Variants in CCSER1 observed in about 807,000 individuals in gnomAD.
CCSER1 encodes coiled-coil serine rich protein 1.
CCSER1 carries 41 observed loss-of-function variants against 82.0 expected under a neutral mutation model. The observed-to-expected ratio is 0.50, with a 90% CI of 0.39 to 0.65. The LOEUF (loss-of-function observed/expected upper bound fraction) is 0.65. Among genes scored for constraint, CCSER1 ranks in the 30% least tolerant of loss-of-function variants. The probability of loss-of-function intolerance (pLI) is 0.00; values close to 1 mark genes in which losing one functional copy is unlikely to be tolerated. For synonymous variants in CCSER1, 414 were observed against 383.9 expected, an observed-to-expected ratio of 1.08 and a Z score of -0.92; for missense variants, 1,119 against 1,064.2, an observed-to-expected ratio of 1.05 and a Z score of -0.72.
chr4:90,734,107 T>C (rs1269148212), intron 7 of CCSER1, among the ~76,000 whole-genome samples: 1 of 151,092 alleles, frequency 6.6e-6, no homozygotes, highest in Non-Finnish European at 1.5e-5. Flanking sequence ...ATTTTTATTT[T>C]TATTAATTTA....
At chr4:90,655,920 C>T (rs916908385) in intron 6 of CCSER1, among the ~76,000 whole-genome samples, 5 of 151,764 alleles carry the variant, frequency 3.3e-5, no homozygotes, top group Admixed American at 6.6e-5. Flanking sequence ...CCTCAGAATA[C>T]GTGTGGCAAG....
At chr4:91,489,666 T>G (rs1015747565) in intron 10 of CCSER1, among the ~76,000 whole-genome samples, 3 of 152,086 alleles carry the variant, frequency 2.0e-5, no homozygotes, top group African/African-American at 7.2e-5. Flanking sequence ...CACGCACTTG[T>G]AATCCCAGCT....
chr4:90,271,883 T>A (rs1200802082), intron 1 of CCSER1, among the ~76,000 whole-genome samples: 9 of 113,462 alleles, frequency 7.9e-5, no homozygotes, highest in African/African-American at 3.2e-4. Context: ...TTTTTTTTTT[T>A]TTTTTTTAAA....
chr4:90,841,438 C>A (rs1293098177), intron 8 of CCSER1, among the ~76,000 whole-genome samples: 1 of 151,570 alleles, frequency 6.6e-6, no homozygotes, highest in African/African-American at 2.4e-5. Flanking sequence ...ATTAGCCGGG[C>A]GTGGTGGCAG....
chr4:90,388,457 C>T (rs1269838479), intron 3 of CCSER1, among the ~76,000 whole-genome samples: 1 of 151,930 alleles, frequency 6.6e-6, no homozygotes, highest in African/African-American at 2.4e-5. Context: ...TTACAGGTGC[C>T]TGACACTGTG....
chr4:90,933,131 A>AAG (rs1310176922), intron 9 of CCSER1, among the ~76,000 whole-genome samples: 1 of 84,910 alleles, frequency 1.2e-5, no homozygotes, highest in Non-Finnish European at 2.3e-5. Flanking sequence ...TGTTACCTAG[A>AAG]AGTGTGTGTG....
At chr4:90,902,267 A>G (rs1400099347) in intron 8 of CCSER1, among the ~76,000 whole-genome samples, 1 of 151,760 alleles carries the variant, frequency 6.6e-6, no homozygotes, top group Admixed American at 6.6e-5. Flanking sequence ...GGAAATACAT[A>G]TTTTGAATTA....
chr4:90,481,227 TGA>T (rs1765903369), intron 5 of CCSER1, among the ~76,000 whole-genome samples: 2 of 152,230 alleles, frequency 1.3e-5, no homozygotes, highest in African/African-American at 4.8e-5. Flanking sequence ...TTTTGTATCC[TGA>T]GACTTTGCTG....
chr4:90,276,259 C>CTTTGT (rs1727710530), intron 1 of CCSER1, among the ~76,000 whole-genome samples: 2 of 65,846 alleles, frequency 3.0e-5, no homozygotes, highest in African/African-American at 1.2e-4. Context: ...TCTTTCCTTC[C>CTTTGT]TTCCTTCCTT....
At chr4:91,174,645 T>G (rs7655384) in intron 10 of CCSER1, among the ~76,000 whole-genome samples, 3 of 151,808 alleles carry the variant, frequency 2.0e-5, no homozygotes, top group Non-Finnish European at 4.4e-5. Flanking sequence ...TTTGTACTAC[T>G]AAAAATAAAT....
intron 3 of CCSER1, among the ~76,000 whole-genome samples, chr4:90,388,467 GCC>G (rs1750435058): frequency 6.6e-6 from 1 of 151,482 alleles, no homozygotes; most frequent in Admixed American, 6.6e-5. Context: ...CTGACACTGT[GCC>G]CGGCTAAATT....
At chr4:90,632,052 A>G (rs1440892475) in intron 6 of CCSER1, among the ~76,000 whole-genome samples, 2 of 152,146 alleles carry the variant, frequency 1.3e-5, no homozygotes, top group African/African-American at 4.8e-5. Context: ...TCTATCTTTC[A>G]AGTACTCTTA....
At chr4:90,978,990 A>C (rs1432033156) in intron 9 of CCSER1, among the ~76,000 whole-genome samples, 3 of 151,854 alleles carry the variant, frequency 2.0e-5, no homozygotes, top group Non-Finnish European at 2.9e-5. Flanking sequence ...TATTGAATAG[A>C]ATTATAAATT....
chr4:90,296,589 A>C (rs11941216), intron 1 of CCSER1, among the ~76,000 whole-genome samples: 10,528 of 152,092 alleles, frequency 0.069, 1,046 homozygotes, highest in African/African-American at 0.22. Context: ...CTGAATGGTA[A>C]TGCCTAGGTT....
At chr4:91,218,021 G>T (rs1034480519) in intron 10 of CCSER1, among the ~76,000 whole-genome samples, 6 of 152,238 alleles carry the variant, frequency 3.9e-5, no homozygotes, top group Non-Finnish European at 7.3e-5. Flanking sequence ...GGAGCAGGGG[G>T]TGGTGCTTGT....
At chr4:91,293,272 C>A (rs141527860) in intron 10 of CCSER1, among the ~76,000 whole-genome samples, 18 of 151,946 alleles carry the variant, frequency 1.2e-4, no homozygotes, top group African/African-American at 4.1e-4. Flanking sequence ...ATAAATAGAT[C>A]TTTTATTTTC....
chr4:90,333,739 G>T (rs1579240133), intron 3 of CCSER1, among the ~76,000 whole-genome samples: 1 of 152,142 alleles, frequency 6.6e-6, no homozygotes, highest in Non-Finnish European at 1.5e-5. Context: ...TCATTAATAA[G>T]AAAACCTGCA....
At chr4:91,491,882 T>G (rs191996866) in intron 10 of CCSER1, among the ~76,000 whole-genome samples, 1 of 150,340 alleles carries the variant, frequency 6.7e-6, no homozygotes, top group Admixed American at 6.6e-5. Context: ...GTTCTACTCA[T>G]CAGAAAAAAA....
At chr4:90,568,514 T>A (rs1028205149) in intron 5 of CCSER1, among the ~76,000 whole-genome samples, 1 of 152,172 alleles carries the variant, frequency 6.6e-6, no homozygotes, top group Non-Finnish European at 1.5e-5. Flanking sequence ...CAGGAATATA[T>A]TTTTTCACTC....
Sources: gnomAD v4.1 joint callset for allele counts (sites outside exome capture counted in the v4.1 genomes callset) on GRCh38, gnomAD v4.1.1 for gene constraint, MANE v1.5 for transcripts, NCBI Gene and HGNC (gene_info 2026-07-23, HGNC 2026-07-21) for gene names.